The following SHISAL2B variants were observed in gnomAD, a reference collection of about 807,000 sequenced individuals.
SHISAL2B encodes the protein protein shisa-like-2B.
SHISAL2B carries 12 observed loss-of-function variants against 16.5 expected under a neutral mutation model. That is an observed-to-expected ratio of 0.73 (90% CI 0.47 to 1.18). The LOEUF is 1.18. Among genes scored for constraint, SHISAL2B ranks in the 50% most tolerant of loss-of-function variants. The pLI is 0.00. For synonymous variants in SHISAL2B, 72 were observed against 75.0 expected, an observed-to-expected ratio of 0.96 and a Z score of 0.21; for missense variants, 183 against 193.6, an observed-to-expected ratio of 0.95 and a Z score of 0.33.
intron 2 of SHISAL2B, among the ~76,000 whole-genome samples, chr5:64,704,551 T>G (rs1227653106): frequency 6.6e-6 from 1 of 152,160 alleles, no homozygotes; most frequent in African/African-American, 2.4e-5. Context: ...CAGCTGACAA[T>G]TAACCTAGGA....
intron 2 of SHISAL2B, among the ~76,000 whole-genome samples, chr5:64,712,730 G>C (rs1402102269): frequency 6.6e-6 from 1 of 152,168 alleles, no homozygotes; most frequent in East Asian, 1.9e-4. Flanking sequence ...CTCCTGTATT[G>C]GGTGCATATA....
intron 2 of SHISAL2B, among the ~76,000 whole-genome samples, chr5:64,702,534 A>T (rs1741824582): frequency 6.6e-6 from 1 of 152,102 alleles, no homozygotes; most frequent in Non-Finnish European, 1.5e-5. Context: ...ATTTTCTAAT[A>T]TAGTTCGAAG....
chr5:64,709,523 CAT>C (rs1741924632), intron 2 of SHISAL2B, among the ~76,000 whole-genome samples: 1 of 150,350 alleles, frequency 6.7e-6, no homozygotes, highest in Non-Finnish European at 1.5e-5. Context: ...TTTATAGCAG[CAT>C]GATTTATAGT....
chr5:64,692,411 G>T (rs1164087780), intron 1 of SHISAL2B, among the ~76,000 whole-genome samples: 4 of 152,232 alleles, frequency 2.6e-5, no homozygotes, highest in Non-Finnish European at 4.4e-5. Context: ...GGACAGTGCA[G>T]CTCCATTCCC....
At chr5:64,690,848 C>G in intron 1 of SHISAL2B, 34 bp downstream of exon 1, 1 of 1,470,952 alleles carries the variant, frequency 6.8e-7, no homozygotes, top group Non-Finnish European at 9.0e-7. Flanking sequence ...GGCGGCTGGC[C>G]GAGCCCGGGG....
At chr5:64,709,486 C>T (rs1333759714) in intron 2 of SHISAL2B, among the ~76,000 whole-genome samples, 16 of 140,844 alleles carry the variant, frequency 1.1e-4, no homozygotes, top group Admixed American at 3.6e-4. Flanking sequence ...TGAATAATGC[C>T]GCAATAAACA....
In SHISAL2B at chr5:64,717,864, ATTATT is replaced by A; in HGVS notation, c.350-22_350-18del. Reference sequence around the variant, plus strand: ...TGAAACGATGTCATAATTTCAAATAATTATTTTGTTTTGTGTATCTGCAGGCAAGT... The same window carrying A: ...TGAAACGATGTCATAATTTCAAATAATTGTTTTGTGTATCTGCAGGCAAGT... On this transcript the variant is annotated intron_variant, in intron 2 of 2. Coordinates refer to ENST00000389074, the MANE Select transcript of SHISAL2B (RefSeq NM_001164442.2). 1 of 1,490,242 alleles carries A rather than the reference ATTATT, an allele frequency of 6.7e-7. No homozygotes were observed. The highest frequency in any genetic ancestry group is 8.8e-7 in the Non-Finnish European group (1 of 1,134,224). 92.3% of individuals were successfully genotyped at this position (1,490,242 alleles called of 1,614,324 possible). A position where few individuals can be genotyped will look rare whatever the true frequency, so the allele number is the denominator to read the frequency against.
At chr5:64,697,297 A>T (rs561597261) in intron 2 of SHISAL2B, among the ~76,000 whole-genome samples, 1 of 152,356 alleles carries the variant, frequency 6.6e-6, no homozygotes, top group South Asian at 2.1e-4. Flanking sequence ...CAGAGTTCAG[A>T]AGGGCATATA....
intron 2 of SHISAL2B, among the ~76,000 whole-genome samples, chr5:64,703,767 A>G (rs1741842177): frequency 1.3e-5 from 2 of 152,234 alleles, no homozygotes; most frequent in South Asian, 4.1e-4. Context: ...GCCTCCACTC[A>G]TTAATGAGTG....
intron 1 of SHISAL2B, 65 bp downstream of exon 1, chr5:64,690,879 G>A: frequency 4.3e-6 from 6 of 1,380,454 alleles, no homozygotes; most frequent in Non-Finnish European, 5.7e-6. Context: ...GACAAGCGGA[G>A]CCACGCCAGG....
intron 2 of SHISAL2B, among the ~76,000 whole-genome samples, chr5:64,704,986 T>C (rs1188809544): frequency 6.6e-6 from 1 of 152,230 alleles, no homozygotes; most frequent in African/African-American, 2.4e-5. Context: ...AGAGGTGTTA[T>C]GGTGTTTATA....
chr5:64,700,375 A>G (rs1408239485), intron 2 of SHISAL2B, among the ~76,000 whole-genome samples: 1 of 152,128 alleles, frequency 6.6e-6, no homozygotes, highest in Admixed American at 6.5e-5. Context: ...CTGGCATAGT[A>G]TTTGCATGTA....
At chr5:64,713,107 G>A (rs1319855508) in intron 2 of SHISAL2B, among the ~76,000 whole-genome samples, 48 of 143,354 alleles carry the variant, frequency 3.3e-4, no homozygotes, top group African/African-American at 1.1e-3. Context: ...GATTTTGCTC[G>A]TTAGTTGATG....
chr5:64,715,997 A>C (rs1369847534), intron 2 of SHISAL2B, among the ~76,000 whole-genome samples: 1 of 152,148 alleles, frequency 6.6e-6, no homozygotes, highest in Non-Finnish European at 1.5e-5. Flanking sequence ...AACATTTGAC[A>C]CTTTTAAGTA....
At chr5:64,696,467 T>C (rs1399584087) in intron 2 of SHISAL2B, among the ~76,000 whole-genome samples, 4 of 152,144 alleles carry the variant, frequency 2.6e-5, no homozygotes, top group South Asian at 2.1e-4. Flanking sequence ...AATAGAGCCA[T>C]ATTTTTCTTC....
intron 2 of SHISAL2B, among the ~76,000 whole-genome samples, chr5:64,698,991 G>T (rs1262121041): frequency 6.6e-6 from 1 of 152,170 alleles, no homozygotes; most frequent in African/African-American, 2.4e-5. Context: ...CTTAGATACT[G>T]CTCCAAAATT....
At chr5:64,711,306 T>C (rs1741954343) in intron 2 of SHISAL2B, among the ~76,000 whole-genome samples, 1 of 148,114 alleles carries the variant, frequency 6.8e-6, no homozygotes, top group African/African-American at 2.6e-5. Flanking sequence ...CATGTGGTTT[T>C]TGTCTTTGGT....
intron 2 of SHISAL2B, among the ~76,000 whole-genome samples, chr5:64,705,742 T>C (rs1057360488): frequency 6.6e-6 from 1 of 152,200 alleles, no homozygotes; most frequent in Non-Finnish European, 1.5e-5. Flanking sequence ...TTTAGGTTTA[T>C]TTTGCCAAGG....
At chr5:64,713,304 A>T (rs1741986103) in intron 2 of SHISAL2B, among the ~76,000 whole-genome samples, 1 of 134,522 alleles carries the variant, frequency 7.4e-6, no homozygotes, top group Non-Finnish European at 1.6e-5. Context: ...TATGAAGCTT[A>T]GTTTGGCTGG....
Sources: gnomAD v4.1 joint callset for allele counts (sites outside exome capture counted in the v4.1 genomes callset) on GRCh38, gnomAD v4.1.1 for gene constraint, MANE v1.5 for transcripts, NCBI Gene and HGNC (gene_info 2026-07-23, HGNC 2026-07-21) for gene names.